TENM2: variants seen among roughly 807,000 people sequenced by gnomAD.
TENM2 encodes teneurin transmembrane protein 2, also known as teneurin-2.
TENM2 carries 52 observed loss-of-function variants against 245.2 expected under a neutral mutation model. The ratio of observed to expected loss-of-function variants is 0.21; its 90% confidence interval spans 0.17 to 0.27. The LOEUF (loss-of-function observed/expected upper bound fraction) is 0.27, where lower values mean the gene tolerates loss of function less well. Ranked by LOEUF, TENM2 falls within the 10% of genes least tolerant of loss-of-function variation. TENM2 has a pLI of 1.00. For synonymous variants in TENM2, 1,363 were observed against 1,438.9 expected, an observed-to-expected ratio of 0.95 and a Z score of 1.19; for missense variants, 3,046 against 3,666.8, an observed-to-expected ratio of 0.83 and a Z score of 4.37.
the TENM2 span, among the ~76,000 whole-genome samples, chr5:166,993,779 A>G: frequency 1.4e-4 from 22 of 152,212 alleles, no homozygotes; most frequent in Non-Finnish European, 3.1e-4. Context: ...TAACCTGCAG[A>G]TTAAATAACC....
chr5:167,336,925 G>A (rs993000130), intron 1 of TENM2, among the ~76,000 whole-genome samples: 46 of 150,876 alleles, frequency 3.0e-4, no homozygotes, highest in African/African-American at 1.1e-3. Flanking sequence ...AGACCATCCT[G>A]GCTAACAAGG....
At chr5:167,244,204 A>G in the TENM2 span, among the ~76,000 whole-genome samples, 1 of 152,202 alleles carries the variant, frequency 6.6e-6, no homozygotes, top group Non-Finnish European at 1.5e-5. Flanking sequence ...CTTTACATTT[A>G]AGCTTAAAGA....
chr5:167,788,394 A>G (rs927227817), intron 2 of TENM2, among the ~76,000 whole-genome samples: 1 of 152,200 alleles, frequency 6.6e-6, no homozygotes, highest in Admixed American at 6.5e-5. Context: ...GCATAGATTA[A>G]TTGACAGTAA....
Position 167,718,976 on chromosome 5 carries a change from A to G in TENM2, c.503-157010A>G, listed in dbSNP as rs75440073. On this transcript the variant is annotated intron_variant, in intron 2 of 28. Transcript: ENST00000518659. The stretch of plus-strand genomic sequence containing the variant: ...CACATGCCCAAAAGACATATTTATT[A>G]TTGTTTCTAGTTTTTATGTTTTTCA... 7.5e-3 allele frequency among the ~76,000 whole-genome samples: 1,137 copies of G among 152,202 alleles called. 17 individuals carry two copies. Among genetic ancestry groups the G allele is most frequent in the Non-Finnish European group, 0.01 (688 of 67,994 alleles).
intron 25 of TENM2, among the ~76,000 whole-genome samples, chr5:168,238,268 A>AGAAAAGAAAAGAAAG (rs1264080003): frequency 0.012 from 1,401 of 120,810 alleles, 217 homozygotes; most frequent in East Asian, 0.041. Context: ...AGAAAAGAAA[A>AGAAAAGAAAAGAAAG]GAAAAGAAAA....
intron 2 of TENM2, among the ~76,000 whole-genome samples, chr5:167,873,500 C>T (rs1388475008): frequency 6.6e-6 from 1 of 152,210 alleles, no homozygotes; most frequent in Non-Finnish European, 1.5e-5. Flanking sequence ...CTCTGGGTCT[C>T]AGTTTCCTCA....
chr5:167,361,408 G>A (rs1316058240), intron 1 of TENM2, among the ~76,000 whole-genome samples: 3 of 152,030 alleles, frequency 2.0e-5, no homozygotes, highest in Non-Finnish European at 2.9e-5. Flanking sequence ...TCTTTGCTAT[G>A]TATGTGTCTA....
chr5:168,022,813 C>A (rs913141181), intron 5 of TENM2, among the ~76,000 whole-genome samples: 2 of 152,128 alleles, frequency 1.3e-5, no homozygotes, highest in African/African-American at 4.8e-5. Flanking sequence ...CCTGATTGTC[C>A]AAATGGTTTT....
intron 2 of TENM2, among the ~76,000 whole-genome samples, chr5:167,779,162 T>C (rs1764010870): frequency 1.3e-5 from 2 of 152,318 alleles, no homozygotes; most frequent in South Asian, 4.1e-4. Context: ...TGGTGAGCGG[T>C]AGCTCTGCCT....
intron 5 of TENM2, among the ~76,000 whole-genome samples, chr5:168,015,469 C>T (rs140712989): frequency 1.9e-4 from 29 of 152,098 alleles, no homozygotes; most frequent in African/African-American, 3.6e-4. Context: ...CAGCAGAGAA[C>T]GAGAATAAAG....
the TENM2 span, among the ~76,000 whole-genome samples, chr5:167,023,780 A>T: frequency 2.0e-5 from 3 of 152,198 alleles, no homozygotes; most frequent in Non-Finnish European, 4.4e-5. Flanking sequence ...CCAAGTTATT[A>T]TTAGGGAGTA....
At chr5:167,809,258 A>G (rs1766454874) in intron 2 of TENM2, among the ~76,000 whole-genome samples, 1 of 152,184 alleles carries the variant, frequency 6.6e-6, no homozygotes, top group African/African-American at 2.4e-5. Flanking sequence ...ACATCATTAA[A>G]TGTCATACAC....
intron 2 of TENM2, among the ~76,000 whole-genome samples, chr5:167,756,315 C>A (rs1762308631): frequency 6.6e-6 from 1 of 152,080 alleles, no homozygotes; most frequent in East Asian, 1.9e-4. Context: ...TCAGCATGCC[C>A]CACCTCTCTT....
chr5:168,213,643 A>G (rs938693248), intron 20 of TENM2, among the ~76,000 whole-genome samples: 10 of 151,680 alleles, frequency 6.6e-5, no homozygotes, highest in Non-Finnish European at 1.5e-4. Context: ...TGGGCAACAT[A>G]GTGAGACCCC....
chr5:167,034,617 G>A, the TENM2 span, among the ~76,000 whole-genome samples: 2 of 119,596 alleles, frequency 1.7e-5, no homozygotes, highest in East Asian at 5.0e-4. Flanking sequence ...GCGACAGAGC[G>A]AGACTCCGTC....
At chr5:167,990,506 C>T (rs77074727) in intron 4 of TENM2, among the ~76,000 whole-genome samples, 4,177 of 152,162 alleles carry the variant, frequency 0.027, 195 homozygotes, top group African/African-American at 0.093. Context: ...CTTTTATTAC[C>T]TCTGTTTTAC....
intron 2 of TENM2, among the ~76,000 whole-genome samples, chr5:167,704,785 G>A (rs1758393524): frequency 6.6e-6 from 1 of 152,040 alleles, no homozygotes; most frequent in African/African-American, 2.4e-5. Context: ...AAATTTTTGT[G>A]CATTATCTTT....
At chr5:167,705,885 T>G (rs1561690458) in intron 2 of TENM2, among the ~76,000 whole-genome samples, 1 of 150,956 alleles carries the variant, frequency 6.6e-6, no homozygotes, top group Admixed American at 6.6e-5. Flanking sequence ...TATATCTGGC[T>G]TATTTCAGTT....
chr5:167,643,763 A>T (rs1779754747), intron 2 of TENM2, among the ~76,000 whole-genome samples: 1 of 152,236 alleles, frequency 6.6e-6, no homozygotes. Context: ...TGGTGGAAAT[A>T]TAAAAGCAAT....
Sources: allele counts gnomAD v4.1 joint callset (sites outside exome capture counted in the v4.1 genomes callset), GRCh38; gene constraint gnomAD v4.1.1; transcripts MANE v1.5; gene names NCBI Gene and HGNC (gene_info 2026-07-23, HGNC 2026-07-21).